PITPNM3: variants seen among roughly 807,000 people sequenced by gnomAD.
PITPNM3 encodes PITPNM family member 3.
A neutral mutation model predicts 102.0 loss-of-function variants in PITPNM3; 26 were observed. That is an observed-to-expected ratio of 0.25 (90% CI 0.19 to 0.35). The LOEUF (loss-of-function observed/expected upper bound fraction) is 0.35. Ranked by LOEUF, PITPNM3 falls within the 10% of genes least tolerant of loss-of-function variation. The pLI, the probability that PITPNM3 is intolerant of heterozygous loss-of-function variation, is 1.00. For missense variants in PITPNM3, 1,083 were observed against 1,346.1 expected (o/e 0.80, Z 3.06); for synonymous variants, 578 against 558.6 (o/e 1.03, Z -0.49).
chr17:6,490,305 C>T (rs565644168), intron 4 of PITPNM3, among the ~76,000 whole-genome samples: 1 of 152,258 alleles, frequency 6.6e-6, no homozygotes, highest in African/African-American at 2.4e-5. Flanking sequence ...TAACCCTCTA[C>T]TCAGAGGGTG....
In PITPNM3 at chr17:6,455,160, C is replaced by G. The variant is rs772865137; in HGVS notation, c.*178G>C. 2.0e-5 allele frequency: 16 copies of G among 806,662 alleles called. No homozygotes were observed. The highest frequency in any genetic ancestry group is 2.7e-5 in the Non-Finnish European group (15 of 546,606). 50.0% of individuals were successfully genotyped at this position (806,662 alleles called of 1,614,324 possible). ...ATCCCCGGACCTCACCCCGTCGCAG[C>G]TCAGGGAGCCCCCCGGGCTCGGGCA... is the stretch of plus-strand genomic sequence containing the variant. On this transcript the variant is annotated 3_prime_UTR_variant, in exon 20 of 20. Transcript: ENST00000262483.
At position 6,469,804 on chromosome 17, in the gene PITPNM3, A is replaced by AG. The variant is rs1454756846; in HGVS notation, c.1773+455_1773+456insC. 6.6e-6 allele frequency among the ~76,000 whole-genome samples: 1 copy of AG among 152,054 alleles called. No individual in the cohort carries two copies. The highest frequency in any genetic ancestry group is 2.4e-5 in the African/African-American group (1 of 41,386). On this transcript the variant is annotated intron_variant, in intron 13 of 19. Transcript: ENST00000262483. The surrounding 1 kb of genome is among the most constrained non-coding windows in gnomAD (Gnocchi z 4.0). The stretch of plus-strand genomic sequence containing the variant: ...TGGCTTCCCGTTGAACCCAATATAA[A>AG]ACCATACCCCTGACCTTGGCCATCA...
rs572651512 is a variant in PITPNM3 at position 6,484,703 on chromosome 17, C to G, written c.275-411G>C. On this transcript the variant is annotated intron_variant, in intron 4 of 19. Coordinates refer to ENST00000262483, the MANE Select transcript of PITPNM3 (RefSeq NM_031220.4). ...AGAGCTGGTGTGATGGCAAAGCGTA[C>G]GCACCCACTCTTGACTGGGCTGAGA... 1.7e-4 allele frequency among the ~76,000 whole-genome samples: 26 copies of G among 152,310 alleles called. 1 individual carries two copies. In the South Asian group the frequency reaches 4.8e-3, roughly 28 times the overall value.
Position 6,461,475 on chromosome 17 carries a change from C to A in PITPNM3, c.2388G>T (p.Leu796=). 6.2e-7 allele frequency: 1 copy of A among 1,614,224 alleles called. No individual in the cohort carries two copies. Among genetic ancestry groups the A allele is most frequent in the Non-Finnish European group, 8.5e-7 (1 of 1,180,036 alleles). ...TGCCCTGTGGGAAGTTGTGCTGGGA[C>A]AGCCACGACACCACCCGCTGCTTCT... is the stretch of plus-strand genomic sequence containing the variant. ...DMQKQRVVSW[L]SQHNFPQGMI... The change falls in exon 18 of 20, where the codon CTG becomes CTT. Residue 796 remains leucine, a synonymous_variant. Coordinates refer to ENST00000262483, the MANE Select transcript of PITPNM3 (RefSeq NM_031220.4).
intron 1 of PITPNM3, among the ~76,000 whole-genome samples, chr17:6,549,440 G>A (rs899779294): frequency 1.3e-5 from 2 of 152,230 alleles, no homozygotes; most frequent in Non-Finnish European, 2.9e-5. Context: ...GAGGAAGCAG[G>A]TTGGCTGTGT....
In PITPNM3 at chr17:6,525,432, G is replaced by A; in HGVS notation, c.150C>T (p.Leu50=). ...EEMAEGKNAI[L]IGMSQWNSND... is the part of the protein sequence containing the mutation. Reference sequence around the variant, plus strand: ...TGGAGTTCCACTGGCTCATCCCAATGAGGATGGCATTCTTCCCTTCAGCCA... The same window carrying A: ...TGGAGTTCCACTGGCTCATCCCAATAAGGATGGCATTCTTCCCTTCAGCCA... Residue 50 remains leucine, a synonymous_variant, in exon 3 of 20, where the codon CTC becomes CTT. Coordinates refer to ENST00000262483, the MANE Select transcript of PITPNM3 (RefSeq NM_031220.4). The A allele has an allele frequency of 6.2e-7, 1 of 1,614,222 alleles. No homozygotes were observed. Among genetic ancestry groups the A allele is most frequent in the Non-Finnish European group, 8.5e-7 (1 of 1,180,036 alleles).
chr17:6,484,112 C>T (rs1051814871), intron 5 of PITPNM3, 104 bp downstream of exon 5: 18 of 1,297,094 alleles, frequency 1.4e-5, no homozygotes, highest in Non-Finnish European at 2.2e-6. Context: ...CACAGCAAGT[C>T]AGACGAAGAG....
At position 6,495,821 on chromosome 17, in the gene PITPNM3, G is replaced by A. The variant is rs554705653; in HGVS notation, c.274+7706C>T. On this transcript the variant is annotated intron_variant, in intron 4 of 19. Transcript: ENST00000262483. ...AAGGGAATGTACAGTCAAAATCAAA[G>A]TGGCTTACAGAAAAACAAAGGAAAG... Among the ~76,000 whole-genome samples the A allele has an allele frequency of 9.2e-5, 14 of 152,294 alleles. No homozygotes were observed. In the South Asian group the frequency reaches 1.2e-3, roughly 14 times the overall value.
intron 4 of PITPNM3, among the ~76,000 whole-genome samples, chr17:6,494,432 G>T (rs953660118): frequency 6.6e-6 from 1 of 152,160 alleles, no homozygotes; most frequent in African/African-American, 2.4e-5. Context: ...CCCTGGCCCT[G>T]CCTGGAACAG....
rs933515492 is a variant in PITPNM3 at position 6,468,470 on chromosome 17, G to C, written c.1774-129C>G. ...TGCAACCCCCCAACCTCACAGCCTG[G>C]AACCGTCAGGAGGCCGCAGACCCCG... On this transcript the variant is annotated intron_variant, in intron 13 of 19. Coordinates refer to ENST00000262483, the MANE Select transcript of PITPNM3 (RefSeq NM_031220.4). This position sits in a 1 kb window ranked among gnomAD's most constrained non-coding sequence, Gnocchi z 5.2. 2 of 909,364 alleles carry C rather than the reference G, an allele frequency of 2.2e-6. No individual in the cohort carries two copies. Among genetic ancestry groups the C allele is most frequent in the Admixed American group, 3.6e-5 (2 of 56,120 alleles). The allele number at this position is 909,364 out of a possible 1,614,324, so 56.3% of individuals were successfully genotyped here. A position where few individuals can be genotyped will look rare whatever the true frequency, so the allele number is the denominator to read the frequency against.
chr17:6,514,515 T>A (rs78316050), intron 3 of PITPNM3, among the ~76,000 whole-genome samples: 7,352 of 152,276 alleles, frequency 0.048, 262 homozygotes, highest in South Asian at 0.15. Flanking sequence ...CTCAACATCA[T>A]TAGTCATTAG....
At chr17:6,464,887 T>C (rs553869111) in intron 14 of PITPNM3, 116 bp from the exon 15 acceptor site, 447 of 948,996 alleles carry the variant, frequency 4.7e-4, no homozygotes, top group Non-Finnish European at 7.2e-4. Context: ...ATCATGTCTC[T>C]CTACTAACTT....
chr17:6,503,124 T>C (rs577160727), intron 4 of PITPNM3, among the ~76,000 whole-genome samples: 2 of 152,300 alleles, frequency 1.3e-5, no homozygotes, highest in African/African-American at 4.8e-5. Flanking sequence ...CTGGAAGTTG[T>C]GTCACCCAAA....
intron 1 of PITPNM3, among the ~76,000 whole-genome samples, chr17:6,548,617 G>A (rs356045): frequency 0.47 from 71,161 of 151,726 alleles, 16,800 homozygotes; most frequent in South Asian, 0.59. Context: ...CATGAGTGAC[G>A]GGCAGCCACA....
chr17:6,545,276 C>T (rs965586438), intron 1 of PITPNM3, among the ~76,000 whole-genome samples: 2 of 152,254 alleles, frequency 1.3e-5, no homozygotes, highest in East Asian at 3.9e-4. Flanking sequence ...TATAAAAGGG[C>T]GTGTTAAATA....
In PITPNM3 at chr17:6,468,480, G is replaced by A; in HGVS notation, c.1774-139C>T. On this transcript the variant is annotated intron_variant, in intron 13 of 19. Transcript: ENST00000262483. This position sits in a 1 kb window ranked among gnomAD's most constrained non-coding sequence, Gnocchi z 5.2. ...CAACCTCACAGCCTGGAACCGTCAG[G>A]AGGCCGCAGACCCCGGGACCTGCAT... The A allele has an allele frequency of 2.4e-6, 2 of 840,848 alleles. No individual in the cohort carries two copies. Among genetic ancestry groups the A allele is most frequent in the Admixed American group, 1.9e-5 (1 of 54,012 alleles). 52.1% of individuals were successfully genotyped at this position (840,848 alleles called of 1,614,324 possible). A position where few individuals can be genotyped will look rare whatever the true frequency, so the allele number is the denominator to read the frequency against.
chr17:6,553,142 CT>C (rs1910409519), intron 1 of PITPNM3, among the ~76,000 whole-genome samples: 1 of 152,094 alleles, frequency 6.6e-6, no homozygotes, highest in Non-Finnish European at 1.5e-5. Flanking sequence ...CCTTCACTGT[CT>C]GTCTCAAGCC....
At position 6,469,770 on chromosome 17, in the gene PITPNM3, G is replaced by A. The variant is rs558765173; in HGVS notation, c.1773+490C>T. 6.6e-6 allele frequency among the ~76,000 whole-genome samples: 1 copy of A among 152,138 alleles called. No individual in the cohort carries two copies. The highest frequency in any genetic ancestry group is 1.5e-5 in the Non-Finnish European group (1 of 68,020). ...AGTTGCTATTTCTTCCTTGCTCACA[G>A]CCCTGCAATGGCTTCCCGTTGAACC... is the stretch of plus-strand genomic sequence containing the variant. On this transcript the variant is annotated intron_variant, in intron 13 of 19. Transcript: ENST00000262483. This position sits in a 1 kb window ranked among gnomAD's most constrained non-coding sequence, Gnocchi z 4.0.
At position 6,459,564 on chromosome 17, in the gene PITPNM3, C is replaced by T. The variant is rs1438497328; in HGVS notation, c.2490+1809G>A. On this transcript the variant is annotated intron_variant, in intron 18 of 19. Coordinates refer to ENST00000262483, the MANE Select transcript of PITPNM3 (RefSeq NM_031220.4). The surrounding 1 kb of genome is among the most constrained non-coding windows in gnomAD (Gnocchi z 5.0). ...GGTCCCGTGGCTGTATCAGCCTTGA[C>T]ATGTCCACAGCTGAGCTCATCTCCC... Among the ~76,000 whole-genome samples the T allele has an allele frequency of 1.3e-5, 2 of 152,210 alleles. No individual in the cohort carries two copies. Among genetic ancestry groups the T allele is most frequent in the African/African-American group, 2.4e-5 (1 of 41,456 alleles).
Sources: allele counts gnomAD v4.1 joint callset (sites outside exome capture counted in the v4.1 genomes callset), GRCh38; gene constraint gnomAD v4.1.1; non-coding constraint Gnocchi (gnomAD v3.1); transcripts MANE v1.5; gene names NCBI Gene and HGNC (gene_info 2026-07-23, HGNC 2026-07-21).